TSC22D1: variants seen among roughly 807,000 people sequenced by gnomAD.
The protein encoded by TSC22D1 is TSC22 domain family protein 1.
A neutral mutation model predicts 74.2 loss-of-function variants in TSC22D1; 9 were observed. That is an observed-to-expected ratio of 0.12 (90% CI 0.07 to 0.21). The LOEUF is 0.21. TSC22D1 is among the 10% of genes least tolerant of loss of function. The probability of loss-of-function intolerance (pLI) is 1.00; values close to 1 mark genes in which losing one functional copy is unlikely to be tolerated. For synonymous variants in TSC22D1, 586 were observed against 492.5 expected (o/e 1.19, Z -2.51); for missense variants, 1,427 against 1,304.7 (o/e 1.09, Z -1.44).
At chr13:44,514,612 C>T (rs1272018527) in intron 1 of TSC22D1, among the ~76,000 whole-genome samples, 2 of 152,166 alleles carry the variant, frequency 1.3e-5, no homozygotes, top group Non-Finnish European at 2.9e-5. Context: ...GTAATCCCAA[C>T]ACTTTGGGAG....
At chr13:44,503,778 T>C (rs567695048) in intron 1 of TSC22D1, among the ~76,000 whole-genome samples, 1 of 152,330 alleles carries the variant, frequency 6.6e-6, no homozygotes, top group South Asian at 2.1e-4. Context: ...GACTACTTGA[T>C]AGCTTTCCTC....
intron 1 of TSC22D1, among the ~76,000 whole-genome samples, chr13:44,525,331 A>T (rs1024487577): frequency 6.6e-6 from 1 of 152,220 alleles, no homozygotes; most frequent in Admixed American, 6.5e-5. Context: ...TCATGCCTGT[A>T]ATCACAGCAC....
At chr13:44,556,242 C>T (rs988364676) in intron 1 of TSC22D1, among the ~76,000 whole-genome samples, 4 of 149,912 alleles carry the variant, frequency 2.7e-5, no homozygotes, top group Non-Finnish European at 4.4e-5. Context: ...AAAAACAAAC[C>T]ACCACCACCA....
chr13:44,518,297 AT>A (rs1333120512), intron 1 of TSC22D1, among the ~76,000 whole-genome samples: 1 of 152,180 alleles, frequency 6.6e-6, no homozygotes, highest in Non-Finnish European at 1.5e-5. Flanking sequence ...CACAAAAGGT[AT>A]TTCTAATTAG....
chr13:44,576,622 GGCCCCGCTCGGCCCTCCCCCCGC>G (rs1884272267), upstream of TSC22D1: 1 of 151,106 alleles, frequency 6.6e-6, no homozygotes. Context: ...CTCCCCTCCC[GGCCCCGCTCGGCCCTCCCCCCGC>G]GCCCCGCAGA....
chr13:44,538,494 G>C (rs1347112869), intron 1 of TSC22D1: 1 of 985,160 alleles, frequency 1.0e-6, no homozygotes, highest in East Asian at 1.1e-4. Flanking sequence ...CTTCATTAAG[G>C]TGATTTTCAA....
chr13:44,574,379 G>A lies in TSC22D1; in HGVS notation c.1696C>T (p.Pro566Ser). 6.2e-7 allele frequency: 1 copy of A among 1,614,222 alleles called. No homozygotes were observed. The highest frequency in any genetic ancestry group is 1.3e-5 in the African/African-American group (1 of 75,048). The change falls in exon 1 of 3, where the codon CCT becomes TCT. Residue 566 changes from proline to serine, a missense_variant. Pro to Ser is a moderately conservative substitution (Grantham distance 74, BLOSUM62 -1). Coordinates refer to ENST00000458659, the MANE Select transcript of TSC22D1 (RefSeq NM_183422.4). ...GCAGCACTCATAGTGGCTTGCAGAGGTACTGGCTGAAGACCTTGCTTTTGC... is the reference window on the plus strand; with the variant it reads ...GCAGCACTCATAGTGGCTTGCAGAGATACTGGCTGAAGACCTTGCTTTTGC... ...YQQKQGLQPV[P>S]LQATMSAATG...
intron 1 of TSC22D1, among the ~76,000 whole-genome samples, chr13:44,560,376 T>C (rs1882960564): frequency 6.6e-6 from 1 of 152,232 alleles, no homozygotes; most frequent in South Asian, 2.1e-4. Flanking sequence ...AAATACCTTA[T>C]GCAGACTTAG....
At chr13:44,525,430 A>G (rs1187555459) in intron 1 of TSC22D1, among the ~76,000 whole-genome samples, 2 of 152,138 alleles carry the variant, frequency 1.3e-5, no homozygotes, top group African/African-American at 2.4e-5. Flanking sequence ...TACAAAAATC[A>G]AAAGATAAAT....
chr13:44,558,598 G>A (rs1314558533), intron 1 of TSC22D1, among the ~76,000 whole-genome samples: 1 of 152,028 alleles, frequency 6.6e-6, no homozygotes, highest in South Asian at 2.1e-4. Flanking sequence ...AAATTAGCCG[G>A]GCATGGTGCC....
At chr13:44,436,190 A>C in intron 1 of TSC22D1, 95 bp from the exon 2 acceptor site, 1 of 1,360,176 alleles carries the variant, frequency 7.4e-7, no homozygotes, top group Non-Finnish European at 1.0e-6. Context: ...TATTGCTAGC[A>C]TCATATTTTG....
rs1377449344 is a variant in TSC22D1, at chr13:44,532,878, A to G, written c.2912+40285T>C. Among the ~76,000 whole-genome samples the G allele has an allele frequency of 2.0e-5, 3 of 152,120 alleles. No individual in the cohort carries two copies. In the East Asian group the frequency reaches 5.8e-4, roughly 29 times the overall value. ...GACTTGGGCTTGGAATTGATGGGAA[A>G]TTAATAGCTATCTTGAAGGCTGTCA... On this transcript the variant is annotated intron_variant, in intron 1 of 2. Transcript: ENST00000458659.
chr13:44,529,370 C>T (rs181423749), intron 1 of TSC22D1, among the ~76,000 whole-genome samples: 6 of 152,164 alleles, frequency 3.9e-5, no homozygotes, highest in African/African-American at 1.2e-4. Flanking sequence ...AAAAATCCAA[C>T]ATCCATTCAT....
Position 44,434,006 on chromosome 13 carries a change from T to C in TSC22D1, c.*620A>G. The C allele has an allele frequency of 6.5e-7, 1 of 1,534,164 alleles. No individual in the cohort carries two copies. The highest frequency in any genetic ancestry group is 2.4e-5 in the East Asian group (1 of 40,888). On this transcript the variant is annotated 3_prime_UTR_variant, in exon 3 of 3. Transcript: ENST00000458659. ...ACAATAAGCAAAACAACCTTCATGG[T>C]AAGATAGCCTAGGTCCCAGCTACCT...
At chr13:44,511,894 A>G (rs970615137) in intron 1 of TSC22D1, among the ~76,000 whole-genome samples, 2 of 152,208 alleles carry the variant, frequency 1.3e-5, no homozygotes, top group Non-Finnish European at 2.9e-5. Context: ...AACAGGAGCT[A>G]CCCAAGCAAA....
intron 1 of TSC22D1, among the ~76,000 whole-genome samples, chr13:44,446,090 T>C (rs1875614904): frequency 6.6e-6 from 1 of 152,078 alleles, no homozygotes; most frequent in African/African-American, 2.4e-5. Flanking sequence ...GCTTAAGAGA[T>C]CCAAACTGGA....
chr13:44,469,144 T>C (rs1877455982), intron 1 of TSC22D1, among the ~76,000 whole-genome samples: 1 of 152,132 alleles, frequency 6.6e-6, no homozygotes, highest in African/African-American at 2.4e-5. Context: ...CCCATGCAAT[T>C]ACAAGTCTGT....
chr13:44,473,892 G>A (rs1019933936), intron 1 of TSC22D1, among the ~76,000 whole-genome samples: 2 of 152,038 alleles, frequency 1.3e-5, no homozygotes, highest in African/African-American at 4.8e-5. Context: ...CTTCAACTGA[G>A]GAGTCCAACA....
intron 1 of TSC22D1, among the ~76,000 whole-genome samples, chr13:44,442,626 G>T (rs1050150174): frequency 2.0e-5 from 3 of 152,050 alleles, no homozygotes; most frequent in African/African-American, 7.2e-5. Context: ...TGAATAAAAA[G>T]AACAAATCGG....
Sources: allele counts gnomAD v4.1 joint callset (sites outside exome capture counted in the v4.1 genomes callset), GRCh38; gene constraint gnomAD v4.1.1; transcripts MANE v1.5; gene names NCBI Gene and HGNC (gene_info 2026-07-23, HGNC 2026-07-21).